MAPK8: variants seen among roughly 807,000 people sequenced by gnomAD.
MAPK8 encodes the protein mitogen-activated protein kinase 8, also known as JUN N-terminal kinase.
MAPK8 carries 13 observed loss-of-function variants against 52.9 expected under a neutral mutation model. The ratio of observed to expected loss-of-function variants is 0.25; its 90% CI spans 0.16 to 0.39. The LOEUF is 0.39. Ranked by LOEUF, MAPK8 falls within the 10% of genes least tolerant of loss-of-function variation. The pLI, the probability that MAPK8 is intolerant of heterozygous loss-of-function variation, is 1.00. For missense variants in MAPK8, 300 were observed against 519.2 expected (o/e 0.58, Z 4.10); for synonymous variants, 191 against 169.8 (o/e 1.12, Z -0.97).
At chr10:48,327,912 G>C (rs1267049773) in intron 1 of MAPK8, among the ~76,000 whole-genome samples, 1 of 152,312 alleles carries the variant, frequency 6.6e-6, no homozygotes, top group East Asian at 1.9e-4. Context: ...TTGGTGTACA[G>C]AGTTGTTCAT....
At chr10:48,415,656 A>G (rs1461436509) in intron 5 of MAPK8, among the ~76,000 whole-genome samples, 1 of 152,162 alleles carries the variant, frequency 6.6e-6, no homozygotes, top group Non-Finnish European at 1.5e-5. Context: ...AACTCTATTT[A>G]ATGAGATAAA....
chr10:48,371,637 A>G (rs568307505), intron 1 of MAPK8, among the ~76,000 whole-genome samples: 9 of 152,236 alleles, frequency 5.9e-5, no homozygotes, highest in Non-Finnish European at 1.3e-4. Context: ...TCTCTCCAAC[A>G]GACACCAACT....
intron 7 of MAPK8, 149 bp downstream of exon 7, chr10:48,424,308 AG>A: frequency 1.3e-6 from 1 of 794,012 alleles, no homozygotes; most frequent in Non-Finnish European, 2.0e-6. Context: ...TGTTGAGATA[AG>A]AAGCTGAAAT....
chr10:48,385,526 T>G (rs1266820720), intron 1 of MAPK8, among the ~76,000 whole-genome samples: 1 of 152,224 alleles, frequency 6.6e-6, no homozygotes, highest in East Asian at 1.9e-4. Context: ...CGAGAAATAC[T>G]TAGTGTCTGG....
chr10:48,428,393 C>A (rs556624233), intron 10 of MAPK8, among the ~76,000 whole-genome samples: 7 of 152,252 alleles, frequency 4.6e-5, no homozygotes, highest in African/African-American at 1.7e-4. Context: ...TACACTGCCC[C>A]CTGCATTTTA....
chr10:48,336,900 A>G (rs1254851887), intron 1 of MAPK8, among the ~76,000 whole-genome samples: 1 of 152,208 alleles, frequency 6.6e-6, no homozygotes, highest in Non-Finnish European at 1.5e-5. Context: ...TTATATAATG[A>G]CAAAGGATTT....
intron 1 of MAPK8, among the ~76,000 whole-genome samples, chr10:48,351,252 A>G (rs1416967998): frequency 6.6e-6 from 1 of 150,784 alleles, no homozygotes; most frequent in Non-Finnish European, 1.5e-5. Context: ...TCTTCACAGA[A>G]TTAGAAAAAA....
chr10:48,361,172 T>A (rs1451454575), intron 1 of MAPK8, among the ~76,000 whole-genome samples: 1 of 152,192 alleles, frequency 6.6e-6, no homozygotes, highest in Non-Finnish European at 1.5e-5. Context: ...CGTGACCCAC[T>A]TTTTAGAGTT....
intron 10 of MAPK8, 46 bp downstream of exon 10, chr10:48,427,189 G>C (rs2043737518): frequency 7.1e-7 from 1 of 1,413,858 alleles, no homozygotes; most frequent in Admixed American, 1.7e-5. Context: ...AGGAGCTTCT[G>C]GTTTTTATAT....
At chr10:48,311,947 G>A (rs921061841) in intron 1 of MAPK8, among the ~76,000 whole-genome samples, 6 of 152,228 alleles carry the variant, frequency 3.9e-5, no homozygotes, top group Non-Finnish European at 4.4e-5. Context: ...AAAGGAAATA[G>A]AAGTCAGTTT....
intron 1 of MAPK8, among the ~76,000 whole-genome samples, chr10:48,391,031 G>T (rs2041593921): frequency 6.6e-6 from 1 of 152,146 alleles, no homozygotes; most frequent in African/African-American, 2.4e-5. Context: ...TCACATTTAA[G>T]CTAGTCTTAG....
chr10:48,323,905 G>T (rs1018685013), intron 1 of MAPK8, among the ~76,000 whole-genome samples: 1 of 152,170 alleles, frequency 6.6e-6, no homozygotes. Flanking sequence ...TTTAAGTTCA[G>T]TGTGTTTCTT....
chr10:48,336,874 A>G (rs1358044357), intron 1 of MAPK8, among the ~76,000 whole-genome samples: 2 of 152,192 alleles, frequency 1.3e-5, no homozygotes, highest in Non-Finnish European at 2.9e-5. Flanking sequence ...AACAACAGTA[A>G]CAAAAGACAA....
At position 48,425,945 on chromosome 10, in the gene MAPK8, T is replaced by C. The variant is rs377156368; in HGVS notation, c.746T>C (p.Met249Thr). Residue 249 changes from methionine (M) to threonine (T), a missense_variant, in exon 8 of 12, where the codon ATG becomes ACG. By Grantham distance (81) the Met-to-Thr change is moderately conservative. Coordinates refer to ENST00000374189, the MANE Select transcript of MAPK8 (RefSeq NM_001323329.2). ...EQLGTPCPEF[M>T]KKLQPTVRTY... ...CTTGGAACACCATGTCCTGAATTCA[T>C]GAAGAAACTGCAACCAACAGTAAGG... 1.2e-6 allele frequency: 2 copies of C among 1,612,662 alleles called. No homozygotes were observed. The highest frequency in any genetic ancestry group is 1.7e-6 in the Non-Finnish European group (2 of 1,179,138).
chr10:48,328,790 A>C (rs947097113), intron 1 of MAPK8, among the ~76,000 whole-genome samples: 1 of 152,262 alleles, frequency 6.6e-6, no homozygotes, highest in Admixed American at 6.5e-5. Context: ...AACTGTATCC[A>C]GCCAAACTCT....
rs767178901 is a variant in MAPK8, at chr10:48,431,246, A to G, written c.1114A>G (p.Ile372Val). The G allele has an allele frequency of 6.2e-7, 1 of 1,611,716 alleles. No homozygotes were observed. Among genetic ancestry groups the G allele is most frequent in the East Asian group, 2.2e-5 (1 of 44,860 alleles). The change falls in exon 11 of 12, where the codon ATA becomes GTA. Residue 372 changes from isoleucine to valine, a missense_variant. Coordinates refer to ENST00000374189, the MANE Select transcript of MAPK8 (RefSeq NM_001323329.2). ...GGAGGAGAGAACCAAGAATGGAGTT[A>G]TACGGGGGCAGCCCTCTCCTTTAGG... ...DLEERTKNGV[I>V]RGQPSPLGAA...
chr10:48,371,023 A>G (rs1848486699), intron 1 of MAPK8, among the ~76,000 whole-genome samples: 1 of 152,104 alleles, frequency 6.6e-6, no homozygotes, highest in Non-Finnish European at 1.5e-5. Context: ...AGGGTTGACC[A>G]AGCAGATCAC....
chr10:48,426,635 C>A, intron 9 of MAPK8, 131 bp downstream of exon 9: 2 of 833,896 alleles, frequency 2.4e-6, no homozygotes, highest in Non-Finnish European at 3.7e-6. Context: ...TCTGTTTCTT[C>A]ATGAAGACTA....
At chr10:48,329,228 CCT>C (rs907398937) in intron 1 of MAPK8, among the ~76,000 whole-genome samples, 1 of 152,106 alleles carries the variant, frequency 6.6e-6, no homozygotes, top group African/African-American at 2.4e-5. Context: ...TTGTGCTGCC[CCT>C]CTTTCCTCTG....
Sources: allele counts gnomAD v4.1 joint callset (sites outside exome capture counted in the v4.1 genomes callset), GRCh38; gene constraint gnomAD v4.1.1; transcripts MANE v1.5; gene names NCBI Gene and HGNC (gene_info 2026-07-23, HGNC 2026-07-21).